Variants in RAI1 observed in about 807,000 individuals in gnomAD.
The protein encoded by RAI1 is retinoic acid induced 1, also known as retinoic acid-induced protein 1.
RAI1 carries 9 observed loss-of-function variants against 123.8 expected under a neutral mutation model. The observed-to-expected ratio is 0.07, with a 90% confidence interval of 0.04 to 0.13. The LOEUF (loss-of-function observed/expected upper bound fraction) is 0.13, where lower values mean the gene tolerates loss of function less well. Ranked by LOEUF, RAI1 falls within the 10% of genes least tolerant of loss-of-function variation. The pLI, the probability that RAI1 is intolerant of heterozygous loss-of-function variation, is 1.00. For synonymous variants in RAI1, 1,231 were observed against 1,127.3 expected (o/e 1.09, Z -1.84); for missense variants, 2,256 against 2,545.8 (o/e 0.89, Z 2.45).
Position 17,714,792 on chromosome 17 carries a change from G to C in RAI1, c.-148-9236G>C, listed in dbSNP as rs528094583. ...TGGGCTGAGCTCGGGCCATCCACTT[G>C]TCGTGGTGGGTGAAGGGTCTGGTCC... On this transcript the variant is annotated intron_variant, in intron 1 of 5. Transcript: ENST00000353383. The surrounding 1 kb of genome is among the most constrained non-coding windows in gnomAD (Gnocchi z 4.9). Among the ~76,000 whole-genome samples, 18 of 152,338 alleles carry C rather than the reference G, an allele frequency of 1.2e-4. No homozygotes were observed. Among genetic ancestry groups the C allele is most frequent in the Admixed American group, 9.1e-4 (14 of 15,304 alleles).
chr17:17,712,960 G>T (rs1915610096), intron 1 of RAI1, among the ~76,000 whole-genome samples: 1 of 151,976 alleles, frequency 6.6e-6, no homozygotes, highest in South Asian at 2.1e-4. Flanking sequence ...AGACAGACAG[G>T]AGGTGAGCAA....
chr17:17,746,173 G>A (rs964563148), intron 2 of RAI1, among the ~76,000 whole-genome samples: 2 of 152,208 alleles, frequency 1.3e-5, no homozygotes, highest in Non-Finnish European at 2.9e-5. Flanking sequence ...AGGGACACGG[G>A]TGATAGCCAA....
At chr17:17,803,928 C>G in intron 4 of RAI1, 79 bp downstream of exon 4, 1 of 1,350,946 alleles carries the variant, frequency 7.4e-7, no homozygotes, top group Non-Finnish European at 1.1e-6. Context: ...GCACAGCTCC[C>G]CAAACCCAGG....
intron 1 of RAI1, among the ~76,000 whole-genome samples, chr17:17,688,010 A>ACAG (rs1914697611): frequency 7.5e-6 from 1 of 132,622 alleles, no homozygotes; most frequent in Admixed American, 8.1e-5. Context: ...AGCCTGGGTG[A>ACAG]AGGAGACTCT....
At position 17,810,377 on chromosome 17, in the gene RAI1, G is replaced by A; in HGVS notation, c.*396G>A. ...CAAGACGACGTGGCACACATTCCAC[G>A]TGGGTGCTGCCGCCACCCCAGTCGG... On this transcript the variant is annotated 3_prime_UTR_variant, in exon 6 of 6. Coordinates refer to ENST00000353383, the MANE Select transcript of RAI1 (RefSeq NM_030665.4). The surrounding 1 kb of genome is among the most constrained non-coding windows in gnomAD (Gnocchi z 4.6). The A allele has an allele frequency of 3.7e-6, 1 of 269,848 alleles. No individual in the cohort carries two copies. Among genetic ancestry groups the A allele is most frequent in the Non-Finnish European group, 7.1e-6 (1 of 140,792 alleles). 16.7% of individuals were successfully genotyped at this position (269,848 alleles called of 1,614,324 possible).
At chr17:17,783,225 G>T (rs1446719900) in intron 2 of RAI1, among the ~76,000 whole-genome samples, 2 of 152,030 alleles carry the variant, frequency 1.3e-5, no homozygotes, top group Non-Finnish European at 2.9e-5. Context: ...GACCGGGCCC[G>T]CCCCGGGAGG....
Position 17,809,857 on chromosome 17 carries a change from G to C in RAI1, c.5710-113G>C, listed in dbSNP as rs1161129788. 2 of 1,456,296 alleles carry C rather than the reference G, an allele frequency of 1.4e-6. No homozygotes were observed. Among genetic ancestry groups the C allele is most frequent in the African/African-American group, 2.8e-5 (2 of 70,816 alleles). The allele number at this position is 1,456,296 out of a possible 1,614,324, so 90.2% of individuals were successfully genotyped here. On this transcript the variant is annotated intron_variant, in intron 5 of 5. Transcript: ENST00000353383. This position sits in a 1 kb window ranked among gnomAD's most constrained non-coding sequence, Gnocchi z 4.9. The stretch of plus-strand genomic sequence containing the variant: ...GGCCTCGGGCGGAGACCCCAGCCGC[G>C]CTCTGGGGTCGCCTGGGTCTGGGGC...
chr17:17,737,181 G>C (rs1194271006), intron 2 of RAI1, among the ~76,000 whole-genome samples: 1 of 152,092 alleles, frequency 6.6e-6, no homozygotes, highest in Non-Finnish European at 1.5e-5. Context: ...GACATTTTTT[G>C]GATTGAGGAT....
chr17:17,779,006 GTGT>G (rs550989376), intron 2 of RAI1: 224 of 418,188 alleles, frequency 5.4e-4, no homozygotes, highest in East Asian at 9.3e-4. Flanking sequence ...AAAAACAAGA[GTGT>G]TGTTCAAAAC....
chr17:17,732,407 A>G (rs140671952), intron 2 of RAI1, among the ~76,000 whole-genome samples: 3,414 of 152,080 alleles, frequency 0.022, 130 homozygotes, highest in African/African-American at 0.078. Context: ...TGTCTGGGAG[A>G]GGGGGATGGG....
rs944410584 is a variant in RAI1 at position 17,811,081 on chromosome 17, G to A, written c.*1100G>A. 1.0e-5 allele frequency: 3 copies of A among 295,040 alleles called. No homozygotes were observed. The highest frequency in any genetic ancestry group is 6.9e-5 in the African/African-American group (3 of 43,560). The allele number at this position is 295,040 out of a possible 1,614,324, so 18.3% of individuals were successfully genotyped here. On this transcript the variant is annotated 3_prime_UTR_variant, in exon 6 of 6. Transcript: ENST00000353383. ...CCACCACCGGCCCGGGCCAGTCCCT[G>A]CCAGTCCGTCCGCCTGTCCGTCCGT...
chr17:17,687,039 A>C (rs1408649315), intron 1 of RAI1, among the ~76,000 whole-genome samples: 1 of 151,974 alleles, frequency 6.6e-6, no homozygotes. Flanking sequence ...GCTGGAGTGC[A>C]ATGGTGCGAT....
At chr17:17,698,743 C>T (rs774471148) in intron 1 of RAI1, among the ~76,000 whole-genome samples, 4 of 152,188 alleles carry the variant, frequency 2.6e-5, no homozygotes, top group Admixed American at 6.5e-5. Context: ...AAAGCTCACC[C>T]CAGGCACTGA....
intron 2 of RAI1, among the ~76,000 whole-genome samples, chr17:17,782,532 G>GC (rs530697361): frequency 0.015 from 2,162 of 147,380 alleles, 15 homozygotes; most frequent in Non-Finnish European, 0.021. Context: ...TCTGGCAGTG[G>GC]CCCCCCGCCC....
At position 17,800,837 on chromosome 17, in the gene RAI1, C is replaced by T. The variant is rs1012965483; in HGVS notation, c.5565+2324C>T. On this transcript the variant is annotated intron_variant, in intron 3 of 5. Coordinates refer to ENST00000353383, the MANE Select transcript of RAI1 (RefSeq NM_030665.4). The surrounding 1 kb of genome is among the most constrained non-coding windows in gnomAD (Gnocchi z 4.7). ...TCCTGCCTCAGTGGCTTGGGGGCGC[C>T]ATGCTCCTTGGAGTGAGACCCTGGT... Among the ~76,000 whole-genome samples, 7 of 152,258 alleles carry T rather than the reference C, an allele frequency of 4.6e-5. No individual in the cohort carries two copies. Among genetic ancestry groups the T allele is most frequent in the Non-Finnish European group, 1.0e-4 (7 of 68,048 alleles).
chr17:17,702,855 C>T (rs1414959606), intron 1 of RAI1, among the ~76,000 whole-genome samples: 2 of 152,282 alleles, frequency 1.3e-5, no homozygotes, highest in South Asian at 2.1e-4. Context: ...CACTCATCTC[C>T]GAGGTGGCAA....
At chr17:17,739,526 G>GT (rs923856949) in intron 2 of RAI1, among the ~76,000 whole-genome samples, 1 of 152,240 alleles carries the variant, frequency 6.6e-6, no homozygotes. Flanking sequence ...GCCTTTGGCC[G>GT]TAAGGCCTGG....
chr17:17,781,679 C>T (rs1240362181), intron 2 of RAI1, among the ~76,000 whole-genome samples: 2 of 152,222 alleles, frequency 1.3e-5, no homozygotes, highest in African/African-American at 4.8e-5. Context: ...ACTGTGCGCC[C>T]CTGGCACTTT....
At position 17,800,180 on chromosome 17, in the gene RAI1, G is replaced by GTC. The variant is rs58147049; in HGVS notation, c.5565+1714_5565+1715dup. ...TCTCTCCTGCTTTCTGTCTCTCTCT[G>GTC]TCTCTCTCTCTCTCTCTCTCTCTCT... is the stretch of plus-strand genomic sequence containing the variant. On this transcript the variant is annotated intron_variant, in intron 3 of 5. Coordinates refer to ENST00000353383, the MANE Select transcript of RAI1 (RefSeq NM_030665.4). The surrounding 1 kb of genome is among the most constrained non-coding windows in gnomAD (Gnocchi z 4.7). Among the ~76,000 whole-genome samples, 229 of 116,164 alleles carry GTC rather than the reference G, an allele frequency of 2.0e-3. No individual in the cohort carries two copies. The highest frequency in any genetic ancestry group is 2.8e-3 in the South Asian group (11 of 3,884). The allele number at this position is 116,164 out of a possible 152,430, so 76.2% of individuals were successfully genotyped here.
Sources: allele counts gnomAD v4.1 joint callset (sites outside exome capture counted in the v4.1 genomes callset), GRCh38; gene constraint gnomAD v4.1.1; non-coding constraint Gnocchi (gnomAD v3.1); transcripts MANE v1.5; gene names NCBI Gene and HGNC (gene_info 2026-07-23, HGNC 2026-07-21).